Variants in SND1 observed in about 807,000 individuals in gnomAD.
The protein encoded by SND1 is staphylococcal nuclease and tudor domain containing 1, also known as staphylococcal nuclease domain-containing protein 1.
In SND1, 38 loss-of-function variants were observed where a neutral mutation model predicts 121.7. The observed-to-expected ratio is 0.31, with a 90% CI of 0.24 to 0.41. The LOEUF (loss-of-function observed/expected upper bound fraction) is 0.41. Ranked by LOEUF, SND1 falls within the 10% of genes least tolerant of loss-of-function variation. The pLI is 1.00. For missense variants in SND1, 868 were observed against 1,184.6 expected (o/e 0.73, Z 3.92); for synonymous variants, 401 against 447.4 (o/e 0.90, Z 1.31).
chr7:127,799,915 T>C (rs1484101013), intron 10 of SND1, among the ~76,000 whole-genome samples: 1 of 152,238 alleles, frequency 6.6e-6, no homozygotes, highest in African/African-American at 2.4e-5. Context: ...AGATAAAAGA[T>C]ACCTTCTATT....
intron 2 of SND1, among the ~76,000 whole-genome samples, chr7:127,688,802 A>G (rs1795865543): frequency 1.3e-5 from 2 of 152,132 alleles, no homozygotes; most frequent in East Asian, 1.9e-4. Flanking sequence ...CATGTTGGGC[A>G]GGTTGGTACC....
At chr7:127,944,889 A>G (rs1010532262) in intron 15 of SND1, among the ~76,000 whole-genome samples, 1 of 152,316 alleles carries the variant, frequency 6.6e-6, no homozygotes, top group Non-Finnish European at 1.5e-5. Context: ...ATTCCCATGC[A>G]TATTCATATA....
rs1038257897 is a variant in SND1, at chr7:128,025,955, G to A, written c.1779+34899G>A. ...CTGTACCTCTCCCCTCAGACTGTTA[G>A]CCACAGACCCTTAGTCATTGCAAAG... is the stretch of plus-strand genomic sequence containing the variant. On this transcript the variant is annotated intron_variant, in intron 16 of 23. Transcript: ENST00000354725. Among the ~76,000 whole-genome samples, 26 of 151,708 alleles carry A rather than the reference G, an allele frequency of 1.7e-4. 1 individual carries two copies. The highest frequency in any genetic ancestry group is 2.9e-5 in the Non-Finnish European group (2 of 67,984).
intron 15 of SND1, among the ~76,000 whole-genome samples, chr7:127,958,575 G>T (rs1801655358): frequency 6.6e-6 from 1 of 152,132 alleles, no homozygotes; most frequent in Admixed American, 6.5e-5. Context: ...TTTCTCACAG[G>T]GATTTGAGCT....
chr7:127,738,019 T>TA (rs1230144729), intron 10 of SND1, among the ~76,000 whole-genome samples: 1 of 152,186 alleles, frequency 6.6e-6, no homozygotes, highest in African/African-American at 2.4e-5. Flanking sequence ...TAGAGAATGT[T>TA]ACAGTAATCC....
At chr7:127,835,869 C>T (rs555717459) in intron 11 of SND1, among the ~76,000 whole-genome samples, 6 of 152,164 alleles carry the variant, frequency 3.9e-5, no homozygotes, top group East Asian at 3.9e-4. Context: ...TATTTACTTC[C>T]GTATAGAAAC....
At chr7:127,662,334 G>A (rs761153423) in intron 1 of SND1, among the ~76,000 whole-genome samples, 8 of 151,902 alleles carry the variant, frequency 5.3e-5, no homozygotes, top group South Asian at 2.1e-4. Context: ...TCTTTCTGTC[G>A]TAGATCTACC....
chr7:127,837,348 T>G (rs1798885902), intron 11 of SND1, among the ~76,000 whole-genome samples: 1 of 152,252 alleles, frequency 6.6e-6, no homozygotes, highest in Non-Finnish European at 1.5e-5. Context: ...ACTTTTATAA[T>G]ATTTGTTATA....
intron 12 of SND1, among the ~76,000 whole-genome samples, chr7:127,845,373 ATGT>A (rs983337271): frequency 2.0e-5 from 3 of 152,350 alleles, no homozygotes; most frequent in African/African-American, 7.2e-5. Context: ...ATATTTATTA[ATGT>A]TGTTAATGTT....
intron 13 of SND1, among the ~76,000 whole-genome samples, chr7:127,889,268 C>T (rs139435861): frequency 6.6e-6 from 1 of 151,906 alleles, no homozygotes; most frequent in East Asian, 1.9e-4. Context: ...CTCTCCCTAC[C>T]TATATTATCA....
intron 16 of SND1, among the ~76,000 whole-genome samples, chr7:128,024,899 G>C (rs1337870515): frequency 6.6e-6 from 1 of 152,100 alleles, no homozygotes; most frequent in African/African-American, 2.4e-5. Context: ...TCCATTATGG[G>C]GAACCTCTGT....
chr7:128,050,962 A>G (rs1793035864), intron 16 of SND1, among the ~76,000 whole-genome samples: 1 of 152,096 alleles, frequency 6.6e-6, no homozygotes, highest in African/African-American at 2.4e-5. Context: ...ACTCCACCAA[A>G]TCCACCGCTG....
chr7:128,034,420 C>A (rs1242022038), intron 16 of SND1, among the ~76,000 whole-genome samples: 1 of 152,166 alleles, frequency 6.6e-6, no homozygotes, highest in Non-Finnish European at 1.5e-5. Context: ...CTAGTAGAGT[C>A]ATCTATTGCC....
At chr7:128,057,294 G>C (rs981927601) in intron 16 of SND1, among the ~76,000 whole-genome samples, 5 of 152,194 alleles carry the variant, frequency 3.3e-5, no homozygotes, top group African/African-American at 1.2e-4. Context: ...TTAGACATCT[G>C]CCCAGCCAAG....
intron 9 of SND1, among the ~76,000 whole-genome samples, chr7:127,716,463 T>C (rs1796391642): frequency 6.6e-6 from 1 of 152,162 alleles, no homozygotes; most frequent in African/African-American, 2.4e-5. Context: ...TCTTTTTTGA[T>C]GATACTGGAA....
intron 15 of SND1, among the ~76,000 whole-genome samples, chr7:127,964,268 AT>A (rs1285044796): frequency 6.6e-6 from 1 of 150,558 alleles, no homozygotes; most frequent in East Asian, 2.0e-4. Context: ...ATTAGATCCC[AT>A]TTGTCAATTT....
At chr7:127,842,102 G>A (rs1798975841) in intron 11 of SND1, among the ~76,000 whole-genome samples, 1 of 152,160 alleles carries the variant, frequency 6.6e-6, no homozygotes, top group African/African-American at 2.4e-5. Context: ...TTCAAGATGA[G>A]TTTTTGAAGA....
At chr7:128,055,954 G>T (rs1374488724) in intron 16 of SND1, among the ~76,000 whole-genome samples, 5 of 152,182 alleles carry the variant, frequency 3.3e-5, no homozygotes, top group Non-Finnish European at 7.3e-5. Flanking sequence ...CCAGGCTCTG[G>T]AATTAGGCAG....
chr7:127,810,110 A>G (rs1798307254), intron 11 of SND1, among the ~76,000 whole-genome samples: 1 of 151,598 alleles, frequency 6.6e-6, no homozygotes, highest in African/African-American at 2.4e-5. Flanking sequence ...GTTATGATAT[A>G]TTCCTGGTTC....
Sources: gnomAD v4.1 joint callset for allele counts (sites outside exome capture counted in the v4.1 genomes callset) on GRCh38, gnomAD v4.1.1 for gene constraint, MANE v1.5 for transcripts, NCBI Gene and HGNC (gene_info 2026-07-23, HGNC 2026-07-21) for gene names.